Variants in RELB observed in about 807,000 individuals in gnomAD.
RELB encodes the protein RELB proto-oncogene, NF-kB subunit.
In RELB, 14 loss-of-function variants were observed where a neutral mutation model predicts 55.4. The observed-to-expected ratio is 0.25, with a 90% CI of 0.17 to 0.40. The LOEUF (loss-of-function observed/expected upper bound fraction) is 0.40, where lower values mean the gene tolerates loss of function less well. RELB is among the 10% of genes least tolerant of loss of function. The probability of loss-of-function intolerance (pLI) is 1.00; values close to 1 mark genes in which losing one functional copy is unlikely to be tolerated. For synonymous variants in RELB, 409 were observed against 371.3 expected, an observed-to-expected ratio of 1.10 and a Z score of -1.17; for missense variants, 669 against 830.7, an observed-to-expected ratio of 0.81 and a Z score of 2.39.
intron 2 of RELB, among the ~76,000 whole-genome samples, chr19:45,007,942 G>T (rs1971302357): frequency 1.3e-5 from 2 of 148,844 alleles, no homozygotes; most frequent in Non-Finnish European, 3.0e-5. Flanking sequence ...GGATCATGAG[G>T]TCAGGAGATC....
At chr19:45,023,048 G>A (rs2122455859) in intron 5 of RELB, among the ~76,000 whole-genome samples, 1 of 152,208 alleles carries the variant, frequency 6.6e-6, no homozygotes, top group South Asian at 2.1e-4. Flanking sequence ...TTCAGAGGTA[G>A]GGCTGAGTAT....
At chr19:45,025,147 C>A (rs954649099) in intron 5 of RELB, among the ~76,000 whole-genome samples, 182 bp from the exon 6 acceptor site, 1 of 152,130 alleles carries the variant, frequency 6.6e-6, no homozygotes, top group African/African-American at 2.4e-5. Flanking sequence ...GTGTGAGCCA[C>A]CGCGCTGGCC....
At chr19:45,009,746 A>G in intron 2 of RELB, 68 bp from the exon 3 acceptor site, 6 of 1,565,252 alleles carry the variant, frequency 3.8e-6, no homozygotes, top group Non-Finnish European at 5.2e-6. Context: ...AATCTGTCTT[A>G]AAAGATGAAA....
chr19:45,028,309 AC>A (rs1216952307), intron 7 of RELB, among the ~76,000 whole-genome samples: 2 of 151,990 alleles, frequency 1.3e-5, no homozygotes, highest in East Asian at 3.9e-4. Context: ...GGTGTGAGCT[AC>A]CTTGCCTAGC....
intron 6 of RELB, 83 bp downstream of exon 6, chr19:45,025,503 C>T: frequency 1.3e-6 from 2 of 1,562,670 alleles, no homozygotes; most frequent in Admixed American, 1.8e-5. Flanking sequence ...CTCACCACTC[C>T]AGGCCCCACC....
intron 1 of RELB, among the ~76,000 whole-genome samples, 172 bp downstream of exon 1, chr19:45,001,857 TGAG>T (rs965856193): frequency 6.6e-6 from 1 of 151,438 alleles, no homozygotes; most frequent in African/African-American, 2.4e-5. Context: ...CAGAGGGTGA[TGAG>T]GGGGTACGGC....
At position 45,012,068 on chromosome 19, in the gene RELB, C is replaced by T. The variant is rs1171624914; in HGVS notation, c.296C>T (p.Ala99Val). ...SLSTVTLGPV[A>V]PPATPPPWGC... ...AGCACGGTCACCCTGGGCCCTGTGG[C>T]GCCCCCAGCCACGCCGCCGCCTTGG... The change falls in exon 4 of 12, where the codon GCG becomes GTG. Residue 99 changes from alanine (A) to valine (V), a missense_variant. By Grantham distance (64) the Ala-to-Val change is moderately conservative. This residue lies in a region of RELB where 323 missense variants were observed against 368.5 expected (regional missense o/e 0.88). Coordinates refer to ENST00000221452, the MANE Select transcript of RELB (RefSeq NM_006509.4). 17 of 1,550,208 alleles carry T rather than the reference C, an allele frequency of 1.1e-5. No homozygotes were observed. Among genetic ancestry groups the T allele is most frequent in the East Asian group, 2.5e-5 (1 of 39,648 alleles).
At chr19:45,015,385 T>C (rs1971409762) in intron 4 of RELB, among the ~76,000 whole-genome samples, 1 of 152,188 alleles carries the variant, frequency 6.6e-6, no homozygotes, top group Non-Finnish European at 1.5e-5. Flanking sequence ...CCGAGAGGTT[T>C]ATCTTGTAGA....
chr19:45,021,202 G>A (rs557292282), intron 4 of RELB, among the ~76,000 whole-genome samples: 53 of 151,966 alleles, frequency 3.5e-4, no homozygotes, highest in African/African-American at 1.2e-3. Context: ...GGCCAGGCAC[G>A]GTGACTCACG....
At chr19:45,027,420 C>T (rs1332152747) in intron 7 of RELB, among the ~76,000 whole-genome samples, 1 of 152,050 alleles carries the variant, frequency 6.6e-6, no homozygotes, top group Non-Finnish European at 1.5e-5. Flanking sequence ...GTTCTTCCTC[C>T]ATGTTAGAAT....
intron 11 of RELB, among the ~76,000 whole-genome samples, chr19:45,037,182 G>A (rs191524638): frequency 6.6e-6 from 1 of 151,892 alleles, no homozygotes; most frequent in African/African-American, 2.4e-5. Flanking sequence ...TCAGGAGACT[G>A]AGGCAGGGGA....
intron 4 of RELB, among the ~76,000 whole-genome samples, chr19:45,017,825 A>G (rs1971438721): frequency 6.6e-6 from 1 of 150,456 alleles, no homozygotes; most frequent in African/African-American, 2.4e-5. Context: ...TTGTATTTTT[A>G]GTAGAGAGGG....
intron 2 of RELB, among the ~76,000 whole-genome samples, chr19:45,007,084 A>G (rs916659850): frequency 6.6e-6 from 1 of 152,144 alleles, no homozygotes; most frequent in African/African-American, 2.4e-5. Flanking sequence ...CGTTTGACCA[A>G]GGAACTGAAG....
intron 7 of RELB, among the ~76,000 whole-genome samples, chr19:45,027,626 C>T (rs1423077701): frequency 3.3e-5 from 5 of 152,108 alleles, no homozygotes; most frequent in Non-Finnish European, 5.9e-5. Context: ...GGGGCATGCG[C>T]TCAATTACTG....
rs183134926 is a variant in RELB at position 45,032,887 on chromosome 19, C to T, written c.1207+138C>T. ...CAAAGACAGTGTTCAGATCCTGGCT[C>T]TGCTGCTTACTGGTTGTGTGACCTT... On this transcript the variant is annotated intron_variant, in intron 9 of 11. Coordinates refer to ENST00000221452, the MANE Select transcript of RELB (RefSeq NM_006509.4). 3.0e-5 allele frequency: 22 copies of T among 728,928 alleles called. No individual in the cohort carries two copies. In the African/African-American group the frequency reaches 3.7e-4, roughly 12 times the overall value. The allele number at this position is 728,928 out of a possible 1,614,324, so 45.2% of individuals were successfully genotyped here.
chr19:45,008,579 A>G, intron 2 of RELB: 2 of 455,714 alleles, frequency 4.4e-6, no homozygotes, highest in South Asian at 3.1e-5. Flanking sequence ...CATCTGCCAA[A>G]TTGGGGGGAC....
Position 45,012,562 on chromosome 19 carries a change from G to T in RELB, c.504+286G>T, listed in dbSNP as rs1440444969. Reference sequence around the variant, plus strand: ...AGTTCGAGACCAGCCTGGCCAACATGGTGAAACCCCATCTGTACTAAAAGT... The same window carrying T: ...AGTTCGAGACCAGCCTGGCCAACATTGTGAAACCCCATCTGTACTAAAAGT... On this transcript the variant is annotated intron_variant, in intron 4 of 11. Transcript: ENST00000221452. Among the ~76,000 whole-genome samples the T allele has an allele frequency of 2.0e-5, 3 of 152,114 alleles. No homozygotes were observed. In the East Asian group the frequency reaches 5.8e-4, roughly 29 times the overall value.
chr19:45,033,866 A>T (rs1971655412), intron 9 of RELB, among the ~76,000 whole-genome samples: 1 of 151,652 alleles, frequency 6.6e-6, no homozygotes, highest in Non-Finnish European at 1.5e-5. Flanking sequence ...TAAAAAAAAA[A>T]AAAATAGGCC....
chr19:45,001,919 C>A (rs35194062), intron 1 of RELB, among the ~76,000 whole-genome samples: 6,422 of 152,054 alleles, frequency 0.042, 218 homozygotes, highest in Non-Finnish European at 0.06. Context: ...GGGGCGGGGC[C>A]TGACCCTGAG....
Sources: allele counts gnomAD v4.1 joint callset (sites outside exome capture counted in the v4.1 genomes callset), GRCh38; gene constraint gnomAD v4.1.1; regional missense constraint gnomAD v4.1.1; transcripts MANE v1.5; gene names NCBI Gene and HGNC (gene_info 2026-07-23, HGNC 2026-07-21).